AMPH: variants seen among roughly 807,000 people sequenced by gnomAD.
AMPH encodes the protein amphiphysin, also known as amphiphysin (Stiff-Mann syndrome with breast cancer 128kD autoantigen).
Under a neutral mutation model 99.1 loss-of-function variants are expected in AMPH, and 49 were observed. That is an observed-to-expected ratio of 0.49 (90% confidence interval 0.39 to 0.63). The LOEUF (loss-of-function observed/expected upper bound fraction) is 0.63, where lower values mean the gene tolerates loss of function less well. AMPH is among the 20% of genes least tolerant of loss of function. AMPH has a pLI of 0.00. For synonymous variants in AMPH, 314 were observed against 317.3 expected (o/e 0.99, Z 0.11); for missense variants, 759 against 863.4 (o/e 0.88, Z 1.52).
At chr7:38,447,682 A>G (rs1173722032) in intron 11 of AMPH, among the ~76,000 whole-genome samples, 1 of 152,022 alleles carries the variant, frequency 6.6e-6, no homozygotes, top group African/African-American at 2.4e-5. Context: ...AACACCTCAA[A>G]AAAACCACTT....
intron 11 of AMPH, among the ~76,000 whole-genome samples, chr7:38,438,091 T>C (rs1477626946): frequency 6.6e-6 from 1 of 152,204 alleles, no homozygotes; most frequent in Non-Finnish European, 1.5e-5. Context: ...CCAACTTTTA[T>C]GTAGGTAAAA....
intron 8 of AMPH, 138 bp downstream of exon 8, chr7:38,466,035 C>T (rs529143205): frequency 6.2e-6 from 4 of 649,668 alleles, no homozygotes; most frequent in African/African-American, 1.9e-5. Flanking sequence ...GAAATGTTAT[C>T]GAGGGTAATA....
chr7:38,565,962 T>TA (rs1221201610), intron 1 of AMPH, among the ~76,000 whole-genome samples: 2 of 152,210 alleles, frequency 1.3e-5, no homozygotes, highest in African/African-American at 4.8e-5. Flanking sequence ...ACTTTCCATT[T>TA]AAAAATCAAA....
intron 5 of AMPH, among the ~76,000 whole-genome samples, chr7:38,487,196 A>G (rs1369526345): frequency 6.6e-6 from 1 of 152,130 alleles, no homozygotes; most frequent in Non-Finnish European, 1.5e-5. Context: ...CTACTAAACA[A>G]ATAAGAATAG....
intron 17 of AMPH, among the ~76,000 whole-genome samples, chr7:38,401,751 T>G (rs1784847082): frequency 6.6e-6 from 1 of 152,208 alleles, no homozygotes; most frequent in South Asian, 2.1e-4. Flanking sequence ...CTCAAATATT[T>G]AAAAGAATAC....
At chr7:38,566,602 GAACA>G in intron 1 of AMPH, among the ~76,000 whole-genome samples, 1 of 152,234 alleles carries the variant, frequency 6.6e-6, no homozygotes, top group African/African-American at 2.4e-5. Context: ...TCATCAGAGT[GAACA>G]GGCAACCTAC....
At chr7:38,422,703 T>C (rs976168880) in intron 15 of AMPH, among the ~76,000 whole-genome samples, 1 of 152,044 alleles carries the variant, frequency 6.6e-6, no homozygotes, top group Non-Finnish European at 1.5e-5. Context: ...CTCACCGCAT[T>C]CTCCACCTCC....
At chr7:38,465,854 T>A (rs1176075044) in intron 8 of AMPH, among the ~76,000 whole-genome samples, 1 of 152,136 alleles carries the variant, frequency 6.6e-6, no homozygotes, top group East Asian at 1.9e-4. Flanking sequence ...CAAAAAGCAA[T>A]CAACAACAGA....
chr7:38,566,922 C>T (rs561797974), intron 1 of AMPH, among the ~76,000 whole-genome samples: 76 of 152,250 alleles, frequency 5.0e-4, no homozygotes, highest in Admixed American at 2.5e-3. Context: ...GAAATAGGAA[C>T]GCTTTTACAC....
At chr7:38,604,979 A>G (rs1355045692) in intron 1 of AMPH, among the ~76,000 whole-genome samples, 1 of 152,208 alleles carries the variant, frequency 6.6e-6, no homozygotes. Context: ...TTAACAGGTG[A>G]TTCATTTGGA....
Position 38,494,537 on chromosome 7 carries a change from G to T in AMPH, c.206-10C>A, listed in dbSNP as rs749868178. The T allele has an allele frequency of 3.1e-6, 5 of 1,611,690 alleles. No individual in the cohort carries two copies. Among genetic ancestry groups the T allele is most frequent in the Non-Finnish European group, 4.2e-6 (5 of 1,177,968 alleles). On this transcript the variant is annotated splice_polypyrimidine_tract_variant and intron_variant, in intron 3 of 20. Transcript: ENST00000356264. ...GAGGCCTCCTGCATGCCTAGTGTTG[G>T]AGAGAAACAACTCCCGTTACACAGA...
chr7:38,587,539 G>A (rs572397416), intron 1 of AMPH, among the ~76,000 whole-genome samples: 9 of 152,292 alleles, frequency 5.9e-5, no homozygotes, highest in Admixed American at 2.6e-4. Context: ...GTTTGCAAAC[G>A]AGAAAGCACT....
At chr7:38,453,379 A>T (rs578208070) in intron 11 of AMPH, among the ~76,000 whole-genome samples, 2 of 152,318 alleles carry the variant, frequency 1.3e-5, no homozygotes, top group East Asian at 3.9e-4. Context: ...AGCCTAGGCA[A>T]GCAGACCCGG....
At chr7:38,539,716 G>C (rs565132353) in intron 1 of AMPH, among the ~76,000 whole-genome samples, 1 of 152,336 alleles carries the variant, frequency 6.6e-6, no homozygotes, top group South Asian at 2.1e-4. Context: ...GAGTGATTCA[G>C]ATGTGGAACT....
Position 38,394,305 on chromosome 7 carries a change from G to A in AMPH, c.1399-91C>T, listed in dbSNP as rs867016882. The A allele has an allele frequency of 3.0e-6, 4 of 1,342,046 alleles. No individual in the cohort carries two copies. The African/African-American group carries it at 5.8e-5, about 19-fold the overall frequency. 83.1% of individuals were successfully genotyped at this position (1,342,046 alleles called of 1,614,324 possible). Reference sequence around the variant, plus strand: ...AGCCTATTTCTAATCTCCCCTCTGTGGAGGCTATTCAGATTTGGAACATTC... The same window carrying A: ...AGCCTATTTCTAATCTCCCCTCTGTAGAGGCTATTCAGATTTGGAACATTC... On this transcript the variant is annotated intron_variant, in intron 17 of 20. Coordinates refer to ENST00000356264, the MANE Select transcript of AMPH (RefSeq NM_001635.4).
Position 38,530,330 on chromosome 7 carries a change from T to G in AMPH, c.150+4601A>C, listed in dbSNP as rs536012633. On this transcript the variant is annotated intron_variant, in intron 2 of 20. Transcript: ENST00000356264. ...TGAATTCTCACCACTGGAGAGGATT[T>G]CAGGGTCCCAGGGTCTCTTCTCTTT... Among the ~76,000 whole-genome samples the G allele has an allele frequency of 2.0e-5, 3 of 152,322 alleles. No homozygotes were observed. In the East Asian group the frequency reaches 5.8e-4, roughly 29 times the overall value.
At chr7:38,546,885 C>T (rs1438249222) in intron 1 of AMPH, among the ~76,000 whole-genome samples, 1 of 152,192 alleles carries the variant, frequency 6.6e-6, no homozygotes, top group African/African-American at 2.4e-5. Context: ...CCATTCTCCA[C>T]CCTTCTCCAC....
At chr7:38,605,042 G>A (rs1351864837) in intron 1 of AMPH, among the ~76,000 whole-genome samples, 2 of 151,616 alleles carry the variant, frequency 1.3e-5, no homozygotes, top group Non-Finnish European at 2.9e-5. Context: ...AATTTCTGTG[G>A]CAAAGATAAA....
chr7:38,530,194 G>A (rs3807397), intron 2 of AMPH, among the ~76,000 whole-genome samples: 74,167 of 152,024 alleles, frequency 0.49, 18,901 homozygotes, highest in African/African-American at 0.64. Flanking sequence ...TAAAAACATA[G>A]AAGCAGCAAA....
Sources: gnomAD v4.1 joint callset for allele counts (sites outside exome capture counted in the v4.1 genomes callset) on GRCh38, gnomAD v4.1.1 for gene constraint, MANE v1.5 for transcripts, NCBI Gene and HGNC (gene_info 2026-07-23, HGNC 2026-07-21) for gene names.